The following ADAMTS1 variants were observed in gnomAD, a reference collection of about 807,000 sequenced individuals.
ADAMTS1 encodes ADAM metallopeptidase with thrombospondin type 1 motif 1.
ADAMTS1 carries 19 observed loss-of-function variants against 87.9 expected under a neutral mutation model. The observed-to-expected ratio is 0.22, with a 90% CI of 0.15 to 0.32. The LOEUF (loss-of-function observed/expected upper bound fraction) is 0.32, where lower values mean the gene tolerates loss of function less well. ADAMTS1 is among the 10% of genes least tolerant of loss of function. The pLI is 1.00. For synonymous variants in ADAMTS1, 542 were observed against 501.8 expected (o/e 1.08, Z -1.07); for missense variants, 1,240 against 1,259.1 (o/e 0.98, Z 0.23).
chr21:26,837,348 A>G lies in ADAMTS1; in HGVS notation c.*231T>C, dbSNP rs13615. 60,500 of 513,242 alleles carry G rather than the reference A, an allele frequency of 0.12. 6,907 individuals carry two copies. The highest frequency in any genetic ancestry group is 0.49 in the East Asian group (16,410 of 33,448). 31.8% of individuals were successfully genotyped at this position (513,242 alleles called of 1,614,324 possible). On this transcript the variant is annotated 3_prime_UTR_variant, in exon 9 of 9. Transcript: ENST00000284984. Reference sequence around the variant, plus strand: ...ATAATGCCCGGGGCTTTATTATGCTATATCACTGCTCAGAGGTTAATAATC... The same window carrying G: ...ATAATGCCCGGGGCTTTATTATGCTGTATCACTGCTCAGAGGTTAATAATC...
At chr21:26,841,713 G>T in intron 3 of ADAMTS1, 145 bp downstream of exon 3, 1 of 936,424 alleles carries the variant, frequency 1.1e-6, no homozygotes, top group Non-Finnish European at 1.5e-6. Context: ...GACCATGTTT[G>T]AAATAGTGAC....
intron 7 of ADAMTS1, 150 bp from the exon 8 acceptor site, chr21:26,838,764 C>A (rs1322361186): frequency 1.4e-5 from 10 of 734,200 alleles, no homozygotes; most frequent in Non-Finnish European, 1.9e-5. Context: ...ATTTACCCTT[C>A]ACTTTGGCAT....
rs925050400 is a variant in ADAMTS1, at chr21:26,845,110, G to A, written c.-156C>T. 6 of 1,085,358 alleles carry A rather than the reference G, an allele frequency of 5.5e-6. No homozygotes were observed. The highest frequency in any genetic ancestry group is 3.0e-5 in the East Asian group (1 of 33,320). The allele number at this position is 1,085,358 out of a possible 1,614,324, so 67.2% of individuals were successfully genotyped here. On this transcript the variant is annotated 5_prime_UTR_variant, in exon 1 of 9. Coordinates refer to ENST00000284984, the MANE Select transcript of ADAMTS1 (RefSeq NM_006988.5). ...GCGCGCAGAGCCGGCTACAGCCGAA[G>A]CTCCCGGAGTCACTAAAAGGAGGCG...
rs536445975 is a variant in ADAMTS1, at chr21:26,838,107, A to G, written c.2376T>C (p.Ile792=). 1.9e-6 allele frequency: 3 copies of G among 1,614,146 alleles called. No individual in the cohort carries two copies. The highest frequency in any genetic ancestry group is 2.2e-5 in the South Asian group (2 of 91,080). ...DYTLSTLEQD[I]MYKGVVLRYS... ...ACCTCAAGACAACACCTTTGTACAT[A>G]ATGTCTTGCTCTAAGGTGGACAAAG... The change falls in exon 9 of 9, where the codon ATT becomes ATC. Residue 792 remains isoleucine (I), a synonymous_variant. Coordinates refer to ENST00000284984, the MANE Select transcript of ADAMTS1 (RefSeq NM_006988.5).
At position 26,839,580 on chromosome 21, in the gene ADAMTS1, G is replaced by T; in HGVS notation, c.2028+7C>A. On this transcript the variant is annotated splice_region_variant and intron_variant, in intron 7 of 8. Transcript: ENST00000284984. ...TTTTAGGTAAAAATAAGGTAAAAAC[G>T]AACTACCTTGGGCTGCAAAACGAAG... 1 of 1,531,934 alleles carries T rather than the reference G, an allele frequency of 6.5e-7. No individual in the cohort carries two copies. Among genetic ancestry groups the T allele is most frequent in the South Asian group, 1.3e-5 (1 of 79,074 alleles). 94.9% of individuals were successfully genotyped at this position (1,531,934 alleles called of 1,614,324 possible).
Position 26,837,793 on chromosome 21 carries a change from T to C in ADAMTS1, c.2690A>G (p.Lys897Arg), listed in dbSNP as rs1047110391. Reference protein sequence around the residue: ...QPASECAKEVKPASTRPCADH... With the variant: ...QPASECAKEVRPASTRPCADH... ...TGCACAAGGTCTGGTGCTGGCTGGCTTCACTTCCTTTGCACACTCGGAAGC... is the reference window on the plus strand; with the variant it reads ...TGCACAAGGTCTGGTGCTGGCTGGCCTCACTTCCTTTGCACACTCGGAAGC... The change falls in exon 9 of 9, where the codon AAG becomes AGG. Residue 897 changes from lysine (K) to arginine (R), a missense_variant. Physicochemically the swap from Lys to Arg is conservative, Grantham distance 26. Coordinates refer to ENST00000284984, the MANE Select transcript of ADAMTS1 (RefSeq NM_006988.5). The C allele has an allele frequency of 8.7e-6, 14 of 1,614,174 alleles. No homozygotes were observed. The highest frequency in any genetic ancestry group is 2.7e-5 in the African/African-American group (2 of 75,030).
At position 26,835,999 on chromosome 21, in the gene ADAMTS1, G is replaced by T. The variant is rs1985356724; in HGVS notation, c.*1580C>A. 1 of 152,106 alleles carries T rather than the reference G, an allele frequency of 6.6e-6. No individual in the cohort carries two copies. The highest frequency in any genetic ancestry group is 1.5e-5 in the Non-Finnish European group (1 of 68,012). 9.4% of individuals were successfully genotyped at this position (152,106 alleles called of 1,614,324 possible). A position where few individuals can be genotyped will look rare whatever the true frequency, so the allele number is the denominator to read the frequency against. ...CAAAGTTGCAAATATTTACCATTTG[G>T]CTTTTTACAAAAGAAGTTTGCCAAC... On this transcript the variant is annotated 3_prime_UTR_variant, in exon 9 of 9. Coordinates refer to ENST00000284984, the MANE Select transcript of ADAMTS1 (RefSeq NM_006988.5).
chr21:26,844,719 T>C lies in ADAMTS1; in HGVS notation c.236A>G (p.His79Arg). The stretch of plus-strand genomic sequence containing the variant: ...CAGATCCAGCTGCTGGTCAAAGGCG[T>C]GCAGGCGGAGGCGCGTGGTCCCGTG... ...PGHGTTRLRL[H>R]AFDQQLDLEL... The change falls in exon 1 of 9, where the codon CAC (histidine) becomes CGC (arginine). Residue 79 changes from histidine (H) to arginine (R), a missense_variant. Transcript: ENST00000284984. 1 of 1,583,230 alleles carries C rather than the reference T, an allele frequency of 6.3e-7. No homozygotes were observed. The highest frequency in any genetic ancestry group is 2.3e-5 in the East Asian group (1 of 43,782).
chr21:26,839,867 C>T lies in ADAMTS1; in HGVS notation c.1852+8G>A. On this transcript the variant is annotated splice_region_variant and intron_variant, in intron 6 of 8. Coordinates refer to ENST00000284984, the MANE Select transcript of ADAMTS1 (RefSeq NM_006988.5). The stretch of plus-strand genomic sequence containing the variant: ...AGTTTCTTAAAACCAGAGTCCGTTG[C>T]TCCTCACCATTATTGTCTGGACAGT... 2 of 1,612,264 alleles carry T rather than the reference C, an allele frequency of 1.2e-6. No homozygotes were observed. The highest frequency in any genetic ancestry group is 1.1e-5 in the South Asian group (1 of 90,754).
intron 4 of ADAMTS1, 44 bp from the exon 5 acceptor site, chr21:26,840,606 G>A (rs752815616): frequency 6.3e-7 from 1 of 1,581,412 alleles, no homozygotes; most frequent in Non-Finnish European, 8.6e-7. Flanking sequence ...AGTTAGTGAG[G>A]GCATGAAGGG....
chr21:26,844,983 A>G lies in ADAMTS1; in HGVS notation c.-29T>C, dbSNP rs1234969710. The G allele has an allele frequency of 4.7e-6, 7 of 1,492,850 alleles. No homozygotes were observed. The African/African-American group carries it at 8.5e-5, about 18-fold the overall frequency. 92.5% of individuals were successfully genotyped at this position (1,492,850 alleles called of 1,614,324 possible). On this transcript the variant is annotated 5_prime_UTR_variant, in exon 1 of 9. Transcript: ENST00000284984. ...AGCCCCAGGAGACACCGCTCGTAGC[A>G]GCGCACGGAGCGAGGGACCTTTAGT...
rs1381144840 is a variant in ADAMTS1 at position 26,837,927 on chromosome 21, G to A, written c.2556C>T (p.Ile852=). 3.8e-5 allele frequency: 62 copies of A among 1,614,116 alleles called. No individual in the cohort carries two copies. The highest frequency in any genetic ancestry group is 5.1e-5 in the Non-Finnish European group (60 of 1,180,054). ...CAATGACCCATGCTGAAAAAGTGGGGATAGCATTGAAAGATTCCTTCTTCT... is the reference window on the plus strand; with the variant it reads ...CAATGACCCATGCTGAAAAAGTGGGAATAGCATTGAAAGATTCCTTCTTCT... ...VKKKKESFNA[I]PTFSAWVIEE... Residue 852 remains isoleucine (I), a synonymous_variant, in exon 9 of 9, where the codon ATC becomes ATT. Coordinates refer to ENST00000284984, the MANE Select transcript of ADAMTS1 (RefSeq NM_006988.5).
At position 26,840,414 on chromosome 21, in the gene ADAMTS1, C is replaced by T; in HGVS notation, c.1527G>A (p.Leu509=). 1 of 1,614,136 alleles carries T rather than the reference C, an allele frequency of 6.2e-7. No homozygotes were observed. Among genetic ancestry groups the T allele is most frequent in the Non-Finnish European group, 8.5e-7 (1 of 1,179,954 alleles). ...CPDAASTCST[L]WCTGTSGGVL... is the part of the protein sequence containing the mutation. ...CCCCACCAGAGGTGCCGGTACACCACAAGGTGCTACATGTGCTGGCTGCAT... is the reference window on the plus strand; with the variant it reads ...CCCCACCAGAGGTGCCGGTACACCATAAGGTGCTACATGTGCTGGCTGCAT... The change falls in exon 5 of 9, where the codon TTG becomes TTA. Residue 509 remains leucine, a synonymous_variant. Coordinates refer to ENST00000284984, the MANE Select transcript of ADAMTS1 (RefSeq NM_006988.5).
intron 3 of ADAMTS1, 47 bp from the exon 4 acceptor site, chr21:26,841,212 G>T: frequency 6.3e-7 from 1 of 1,596,062 alleles, no homozygotes; most frequent in Non-Finnish European, 8.6e-7. Flanking sequence ...TCATGGCTGG[G>T]TGCGGTGGCT....
Position 26,844,438 on chromosome 21 carries a change from G to C in ADAMTS1, c.517C>G (p.Pro173Ala), listed in dbSNP as rs764609947. The C allele has an allele frequency of 3.8e-6, 6 of 1,587,962 alleles. No homozygotes were observed. The South Asian group carries it at 4.5e-5, about 12-fold the overall frequency. The change falls in exon 1 of 9, where the codon CCA becomes GCA. Residue 173 changes from proline to alanine, a missense_variant. Physicochemically the swap from Pro to Ala is conservative, Grantham distance 27. This residue lies in a region of ADAMTS1 where 521 missense variants were observed against 449.7 expected (regional missense o/e 1.16). Coordinates refer to ENST00000284984, the MANE Select transcript of ADAMTS1 (RefSeq NM_006988.5). ...AGTGGTGCCGGCGGCTTCTCCCCTG[G>C]GGCGGCGGTGGCGAGGCGCTCGCTG... The part of the protein sequence containing the change: ...AASERLATAA[P>A]GEKPPAPLQF...
At position 26,837,611 on chromosome 21, in the gene ADAMTS1, T is replaced by A. The variant is rs143016374; in HGVS notation, c.2872A>T (p.Ile958Leu). ...CDPLKKPKHF[I>L]DFCTMAECS is the part of the protein sequence containing the mutation. ...CATTCTGCCATTGTGCAAAAGTCTA[T>A]GAAATGTTTAGGTTTCTTTAAAGGA... The change falls in exon 9 of 9, where the codon ATA becomes TTA. Residue 958 changes from isoleucine (I) to leucine (L), a missense_variant. By Grantham distance (5) the Ile-to-Leu change is conservative (BLOSUM62 2). This residue lies in a region of ADAMTS1 where 402 missense variants were observed against 399.1 expected (regional missense o/e 1.01). Transcript: ENST00000284984. The A allele has an allele frequency of 6.2e-7, 1 of 1,614,162 alleles. No individual in the cohort carries two copies. The highest frequency in any genetic ancestry group is 8.5e-7 in the Non-Finnish European group (1 of 1,180,020).
Position 26,845,335 on chromosome 21 carries a change from C to T in ADAMTS1, c.-381G>A, listed in dbSNP as rs1042749389. 5.1e-5 allele frequency: 10 copies of T among 195,014 alleles called. No individual in the cohort carries two copies. The East Asian group carries it at 7.4e-4, about 14-fold the overall frequency. 12.1% of individuals were successfully genotyped at this position (195,014 alleles called of 1,614,324 possible). A position where few individuals can be genotyped will look rare whatever the true frequency, so the allele number is the denominator to read the frequency against. On this transcript the variant is annotated 5_prime_UTR_variant, in exon 1 of 9. Coordinates refer to ENST00000284984, the MANE Select transcript of ADAMTS1 (RefSeq NM_006988.5). ...GCGATGTTGCTCACTCTGCTCAGGG[C>T]TCTCCCCTCTCCGTCCGGTAGCGCA...
rs1985403966 is a variant in ADAMTS1 at position 26,837,875 on chromosome 21, A to C, written c.2608T>G (p.Cys870Gly). 6.2e-7 allele frequency: 1 copy of C among 1,614,160 alleles called. No homozygotes were observed. The change falls in exon 9 of 9, where the codon TGT becomes GGT. Residue 870 changes from cysteine to glycine, a missense_variant. Around this residue, in one of 3 missense-constraint regions of ADAMTS1, gnomAD observed 402 missense variants for 399.1 expected, o/e 1.01. Transcript: ENST00000284984. ...AGTCTTCTCTGCCAACCCAATTCAC[A>C]TGACTTAGAACATTCGCCCCACTCT... is the stretch of plus-strand genomic sequence containing the variant. ...IEEWGECSKS[C>G]ELGWQRRLVE...
Position 26,839,992 on chromosome 21 carries a change from C to A in ADAMTS1, c.1735G>T (p.Val579Phe). The stretch of plus-strand genomic sequence containing the variant: ...TCACATTCCCTCATCGTGTACTGGA[C>A]TCCTCCACCGCACGTTCTCGAACAG... The part of the protein sequence containing the change: ...GDCSRTCGGG[V>F]QYTMRECDNP... The change falls in exon 6 of 9, where the codon GTC becomes TTC. Residue 579 changes from valine (V) to phenylalanine (F), a missense_variant. Physicochemically the swap from Val to Phe is conservative, Grantham distance 50 (BLOSUM62 -1). Around this residue, in one of 3 missense-constraint regions of ADAMTS1, gnomAD observed 317 missense variants for 410.3 expected, o/e 0.77. Transcript: ENST00000284984. 6.2e-7 allele frequency: 1 copy of A among 1,614,112 alleles called. No homozygotes were observed. The highest frequency in any genetic ancestry group is 8.5e-7 in the Non-Finnish European group (1 of 1,180,038).
Sources: gnomAD v4.1 joint callset for allele counts on GRCh38, gnomAD v4.1.1 for gene constraint, gnomAD v4.1.1 regional missense constraint, MANE v1.5 for transcripts, NCBI Gene and HGNC (gene_info 2026-07-23, HGNC 2026-07-21) for gene names.